The following THSD4 variants were observed in gnomAD, a reference collection of about 807,000 sequenced individuals.
THSD4 encodes the protein thrombospondin type-1 domain-containing protein 4.
THSD4 carries 69 observed loss-of-function variants against 119.0 expected under a neutral mutation model. The ratio of observed to expected loss-of-function variants is 0.58; its 90% CI spans 0.48 to 0.71. The LOEUF is 0.71. Ranked by LOEUF, THSD4 falls within the 30% of genes least tolerant of loss-of-function variation. THSD4 has a pLI of 0.00. For synonymous variants in THSD4, 524 were observed against 540.4 expected (o/e 0.97, Z 0.42); for missense variants, 1,393 against 1,391.1 (o/e 1.00, Z -0.02).
chr15:71,645,196 T>A (rs2050944523), intron 7 of THSD4, among the ~76,000 whole-genome samples: 1 of 152,168 alleles, frequency 6.6e-6, no homozygotes, highest in African/African-American at 2.4e-5. Flanking sequence ...TAGCCTGTTT[T>A]CATGCTGCTA....
In THSD4 at chr15:71,672,188, A is replaced by G. The variant is rs191636938; in HGVS notation, c.1357+11454A>G. On this transcript the variant is annotated intron_variant, in intron 8 of 17. Coordinates refer to ENST00000261862, the MANE Select transcript of THSD4 (RefSeq NM_024817.3). ...GAGCAGTGGTTTGTAGTTCTTCTTG[A>G]AGAGGTCCTTCACATCCCTTGTAAG... 2.8e-3 allele frequency among the ~76,000 whole-genome samples: 427 copies of G among 152,222 alleles called. 2 individuals are homozygous for G. Among genetic ancestry groups the G allele is most frequent in the African/African-American group, 9.9e-3 (409 of 41,512 alleles).
At chr15:71,291,740 T>G (rs187326218) in intron 6 of THSD4, among the ~76,000 whole-genome samples, 163 of 152,342 alleles carry the variant, frequency 1.1e-3, no homozygotes, top group African/African-American at 3.7e-3. Context: ...CCAGTGAAGT[T>G]GACACATAAA....
intron 9 of THSD4, 152 bp downstream of exon 9, chr15:71,728,876 C>T (rs1026913461): frequency 1.9e-5 from 19 of 986,966 alleles, no homozygotes; most frequent in Middle Eastern, 2.4e-4. Flanking sequence ...GAATGCTTGG[C>T]GTTCATCTTT....
chr15:71,611,683 G>T (rs2050232430), intron 7 of THSD4, among the ~76,000 whole-genome samples: 1 of 152,228 alleles, frequency 6.6e-6, no homozygotes, highest in African/African-American at 2.4e-5. Flanking sequence ...CCGGCCTGGG[G>T]TGGCCAGGAA....
chr15:71,470,325 G>C (rs2047557640), intron 7 of THSD4, among the ~76,000 whole-genome samples: 1 of 152,116 alleles, frequency 6.6e-6, no homozygotes, highest in Admixed American at 6.5e-5. Flanking sequence ...CAATAAAATT[G>C]AGAATTTTTG....
At chr15:71,147,968 CAAAAAAAAAAAA>C (rs57726176) in intron 2 of THSD4, among the ~76,000 whole-genome samples, 1,508 of 32,202 alleles carry the variant, frequency 0.047, 43 homozygotes, top group African/African-American at 0.11. Context: ...GACTCTGTCT[CAAAAAAAAAAAA>C]AAAAAAAAAA....
intron 7 of THSD4, among the ~76,000 whole-genome samples, chr15:71,616,826 A>G (rs2050326224): frequency 6.6e-6 from 1 of 152,194 alleles, no homozygotes; most frequent in Non-Finnish European, 1.5e-5. Flanking sequence ...TGACTGTTTC[A>G]CTTCATTCAT....
chr15:71,286,611 A>T (rs2044721068), intron 6 of THSD4, among the ~76,000 whole-genome samples: 1 of 152,220 alleles, frequency 6.6e-6, no homozygotes, highest in South Asian at 2.1e-4. Flanking sequence ...TGCAATGAAC[A>T]TATGCATGCA....
At chr15:71,421,496 C>T (rs1409811313) in intron 7 of THSD4, among the ~76,000 whole-genome samples, 1 of 152,234 alleles carries the variant, frequency 6.6e-6, no homozygotes, top group Non-Finnish European at 1.5e-5. Flanking sequence ...ATGCCACTCT[C>T]TCCTGGCCTG....
intron 6 of THSD4, among the ~76,000 whole-genome samples, chr15:71,266,156 C>T (rs984816857): frequency 6.6e-5 from 10 of 152,248 alleles, no homozygotes; most frequent in South Asian, 2.1e-4. Flanking sequence ...CCTGTGCCTT[C>T]TGACTGGGAG....
At chr15:71,133,982 T>G (rs757145913) in intron 1 of THSD4, among the ~76,000 whole-genome samples, 1 of 152,198 alleles carries the variant, frequency 6.6e-6, no homozygotes, top group Non-Finnish European at 1.5e-5. Flanking sequence ...CACTGTAATG[T>G]GTTTGCTTGA....
intron 6 of THSD4, among the ~76,000 whole-genome samples, chr15:71,272,113 G>T (rs2044537578): frequency 6.6e-6 from 1 of 151,984 alleles, no homozygotes; most frequent in Admixed American, 6.6e-5. Flanking sequence ...CTTAAAAATG[G>T]GCAAAGGGGC....
intron 3 of THSD4, among the ~76,000 whole-genome samples, chr15:71,191,888 CCTT>C (rs1049894416): frequency 8.5e-5 from 10 of 117,294 alleles, no homozygotes; most frequent in South Asian, 3.4e-4. Flanking sequence ...CTATGCTTTG[CCTT>C]CTTCTTCTTC....
At chr15:71,355,726 G>A (rs764654477) in intron 6 of THSD4, among the ~76,000 whole-genome samples, 1 of 152,088 alleles carries the variant, frequency 6.6e-6, no homozygotes, top group African/African-American at 2.4e-5. Flanking sequence ...TGGATGCAAG[G>A]GGCCCAAAGA....
At chr15:71,533,687 G>A (rs1273880187) in intron 7 of THSD4, among the ~76,000 whole-genome samples, 2 of 152,132 alleles carry the variant, frequency 1.3e-5, no homozygotes, top group Non-Finnish European at 2.9e-5. Flanking sequence ...GCTTAGAGCA[G>A]GACTCCCACC....
intron 7 of THSD4, among the ~76,000 whole-genome samples, chr15:71,506,909 T>G (rs2048198631): frequency 6.6e-6 from 1 of 152,212 alleles, no homozygotes; most frequent in Non-Finnish European, 1.5e-5. Flanking sequence ...CAGTGTGCCA[T>G]GCAAGTTAGT....
At chr15:71,566,620 C>T (rs1055792476) in intron 7 of THSD4, among the ~76,000 whole-genome samples, 1 of 152,152 alleles carries the variant, frequency 6.6e-6, no homozygotes, top group Non-Finnish European at 1.5e-5. Flanking sequence ...CATAATTCCC[C>T]ATCCCTACCT....
At chr15:71,588,429 A>G (rs1009370704) in intron 7 of THSD4, among the ~76,000 whole-genome samples, 6 of 149,022 alleles carry the variant, frequency 4.0e-5, no homozygotes, top group African/African-American at 7.4e-5. Flanking sequence ...TAATTTATTT[A>G]TTTATTTTTC....
At chr15:71,432,989 TA>T (rs1309344759) in intron 7 of THSD4, among the ~76,000 whole-genome samples, 4 of 152,006 alleles carry the variant, frequency 2.6e-5, no homozygotes, top group Non-Finnish European at 4.4e-5. Flanking sequence ...ATATTCTAAT[TA>T]TACTTTTAAC....
Sources: gnomAD v4.1 joint callset for allele counts (sites outside exome capture counted in the v4.1 genomes callset) on GRCh38, gnomAD v4.1.1 for gene constraint, MANE v1.5 for transcripts, NCBI Gene and HGNC (gene_info 2026-07-23, HGNC 2026-07-21) for gene names.